Variants in DPYSL3 observed in about 807,000 individuals in gnomAD.
DPYSL3 encodes the protein dihydropyrimidinase-related protein 3.
A neutral mutation model predicts 66.1 loss-of-function variants in DPYSL3; 16 were observed. The ratio of observed to expected loss-of-function variants is 0.24; its 90% CI spans 0.16 to 0.37. The LOEUF (loss-of-function observed/expected upper bound fraction) is 0.37, where lower values mean the gene tolerates loss of function less well. Among genes scored for constraint, DPYSL3 ranks in the 10% least tolerant of loss-of-function variants. The pLI, the probability that DPYSL3 is intolerant of heterozygous loss-of-function variation, is 1.00. For missense variants in DPYSL3, 738 were observed against 916.2 expected, an observed-to-expected ratio of 0.81 and a Z score of 2.51; for synonymous variants, 338 against 345.1, an observed-to-expected ratio of 0.98 and a Z score of 0.23.
chr5:147,443,475 T>C (rs1427574959), intron 1 of DPYSL3, among the ~76,000 whole-genome samples: 3 of 151,708 alleles, frequency 2.0e-5, no homozygotes, highest in African/African-American at 7.3e-5. Context: ...CACCAGGGCC[T>C]GTTGGGGGTT....
intron 1 of DPYSL3, among the ~76,000 whole-genome samples, chr5:147,454,542 T>G (rs910057069): frequency 6.6e-6 from 1 of 152,094 alleles, no homozygotes; most frequent in African/African-American, 2.4e-5. Context: ...CCTGACTGAG[T>G]CTCAGAATCA....
intron 1 of DPYSL3, among the ~76,000 whole-genome samples, chr5:147,501,744 G>T (rs1359368368): frequency 4.6e-5 from 7 of 152,072 alleles, no homozygotes; most frequent in East Asian, 1.9e-4. Context: ...CTCCCAAAGT[G>T]CTGGGATTAC....
intron 1 of DPYSL3, among the ~76,000 whole-genome samples, chr5:147,425,493 C>T (rs954529440): frequency 2.0e-5 from 3 of 152,140 alleles, no homozygotes; most frequent in African/African-American, 7.2e-5. Context: ...CACAAGTACA[C>T]ACAATGTTGT....
At chr5:147,403,743 A>C (rs572534394) in intron 8 of DPYSL3, among the ~76,000 whole-genome samples, 104 of 152,248 alleles carry the variant, frequency 6.8e-4, no homozygotes, top group African/African-American at 2.4e-3. Context: ...TTGTCTTGCA[A>C]AGAATGCTCT....
chr5:147,465,812 T>G (rs999851527), intron 1 of DPYSL3, among the ~76,000 whole-genome samples: 7 of 152,238 alleles, frequency 4.6e-5, no homozygotes, highest in Admixed American at 1.3e-4. Flanking sequence ...ATATAAGGTC[T>G]GCTGAAGCCT....
chr5:147,493,013 A>G (rs947148917), intron 1 of DPYSL3, among the ~76,000 whole-genome samples: 1 of 152,240 alleles, frequency 6.6e-6, no homozygotes, highest in Admixed American at 6.5e-5. Flanking sequence ...TACCATGCTA[A>G]CACTAATCAA....
At chr5:147,410,737 T>C (rs990921759) in intron 6 of DPYSL3, among the ~76,000 whole-genome samples, 1 of 152,214 alleles carries the variant, frequency 6.6e-6, no homozygotes, top group African/African-American at 2.4e-5. Context: ...GATTCCTCTC[T>C]CATATACTCA....
intron 1 of DPYSL3, among the ~76,000 whole-genome samples, chr5:147,477,819 T>C (rs1271643296): frequency 6.6e-6 from 1 of 151,386 alleles, no homozygotes; most frequent in East Asian, 2.0e-4. Flanking sequence ...CCTGACCTCA[T>C]GATCCACCCG....
At chr5:147,443,626 AG>A (rs1752575952) in intron 1 of DPYSL3, among the ~76,000 whole-genome samples, 1 of 151,944 alleles carries the variant, frequency 6.6e-6, no homozygotes, top group Non-Finnish European at 1.5e-5. Flanking sequence ...TAAAGAAAAA[AG>A]TTATCTCCAT....
intron 6 of DPYSL3, among the ~76,000 whole-genome samples, chr5:147,409,021 G>GTTAGACTATTTTTTGTCTA (rs1751787633): frequency 6.6e-6 from 1 of 152,196 alleles, no homozygotes; most frequent in African/African-American, 2.4e-5. Context: ...ATAGTTGTCT[G>GTTAGACTATTTTTTGTCTA]TTAGACTATT....
chr5:147,443,097 TG>T (rs1752564286), intron 1 of DPYSL3, among the ~76,000 whole-genome samples: 1 of 152,226 alleles, frequency 6.6e-6, no homozygotes, highest in Non-Finnish European at 1.5e-5. Flanking sequence ...ATTCATAAGA[TG>T]GGGCATTAGA....
intron 8 of DPYSL3, among the ~76,000 whole-genome samples, chr5:147,403,206 CT>C (rs1331821382): frequency 2.6e-5 from 4 of 152,002 alleles, no homozygotes; most frequent in African/African-American, 9.7e-5. Context: ...GACAGCCCTG[CT>C]TTTGGGGGTG....
chr5:147,395,523 C>A lies in DPYSL3; in HGVS notation c.1966+36G>T. 6 of 1,581,628 alleles carry A rather than the reference C, an allele frequency of 3.8e-6. No homozygotes were observed. In the South Asian group the frequency reaches 6.9e-5, roughly 18 times the overall value. On this transcript the variant is annotated intron_variant, in intron 13 of 13. Transcript: ENST00000343218. ...TCAGAACATTGATCTTCCCCTTCCCCCTTCTCTTATCTTTTGATGAGCCTG... is the reference window on the plus strand; with the variant it reads ...TCAGAACATTGATCTTCCCCTTCCCACTTCTCTTATCTTTTGATGAGCCTG...
Position 147,395,618 on chromosome 5 carries a change from G to C in DPYSL3, c.1907C>G (p.Ser636Cys), listed in dbSNP as rs1426207967. 1.2e-6 allele frequency: 2 copies of C among 1,613,974 alleles called. No homozygotes were observed. Among genetic ancestry groups the C allele is most frequent in the East Asian group, 4.5e-5 (2 of 44,864 alleles). Residue 636 changes from serine to cysteine, a missense_variant, in exon 13 of 14, where the codon TCT becomes TGT. By Grantham distance (112) the Ser-to-Cys change is moderately radical. Coordinates refer to ENST00000343218, the MANE Select transcript of DPYSL3 (RefSeq NM_001197294.2). ...GGTPAGSARG[S>C]PTRPNPPVRN... is the part of the protein sequence containing the mutation. ...CACAGGTGGGTTCGGCCGAGTAGGA[G>C]AGCCCCGAGCAGAGCCTGCGGGGGT...
chr5:147,392,069 T>C lies in DPYSL3; in HGVS notation c.*1966A>G, dbSNP rs1172248251. ...GCTGGCTGTGGCTGGTACTGCAACCTATCCCAAAGTAACAGCCTAGTCAAT... is the reference window on the plus strand; with the variant it reads ...GCTGGCTGTGGCTGGTACTGCAACCCATCCCAAAGTAACAGCCTAGTCAAT... On this transcript the variant is annotated 3_prime_UTR_variant, in exon 14 of 14. Transcript: ENST00000343218. 2.0e-5 allele frequency: 3 copies of C among 152,234 alleles called. No homozygotes were observed. The highest frequency in any genetic ancestry group is 7.2e-5 in the African/African-American group (3 of 41,460). The allele number at this position is 152,234 out of a possible 1,614,324, so 9.4% of individuals were successfully genotyped here. A position where few individuals can be genotyped will look rare whatever the true frequency, so the allele number is the denominator to read the frequency against.
chr5:147,454,122 C>G (rs1455480217), intron 1 of DPYSL3: 2 of 151,878 alleles, frequency 1.3e-5, no homozygotes, highest in Non-Finnish European at 2.9e-5. Context: ...GCCGCGGGGC[C>G]GAGTTGCGGG....
At position 147,432,651 on chromosome 5, in the gene DPYSL3, T is replaced by C. The variant is rs79542280; in HGVS notation, c.382-7688A>G. Among the ~76,000 whole-genome samples the C allele has an allele frequency of 7.6e-4, 115 of 152,270 alleles. 2 individuals are homozygous for C. In the East Asian group the frequency reaches 0.014, roughly 18 times the overall value. Reference sequence around the variant, plus strand: ...CTGGACAAGAGGAGCCCTAGAGAGATTCCATTCTCAACGAGAAAGGTCAGC... The same window carrying C: ...CTGGACAAGAGGAGCCCTAGAGAGACTCCATTCTCAACGAGAAAGGTCAGC... On this transcript the variant is annotated intron_variant, in intron 1 of 13. Coordinates refer to ENST00000343218, the MANE Select transcript of DPYSL3 (RefSeq NM_001197294.2).
In DPYSL3 at chr5:147,396,811, G is replaced by A. The variant is rs202009248; in HGVS notation, c.1803+855C>T. 2.0e-4 allele frequency among the ~76,000 whole-genome samples: 30 copies of A among 151,180 alleles called. No individual in the cohort carries two copies. The East Asian group carries it at 5.0e-3, about 25-fold the overall frequency. On this transcript the variant is annotated intron_variant, in intron 12 of 13. Transcript: ENST00000343218. ...TCAAATTCCACAATCCTAGGGTAGG[G>A]CTAATACACATATATATACAAACAC...
At chr5:147,436,133 C>A (rs1752411291) in intron 1 of DPYSL3, among the ~76,000 whole-genome samples, 1 of 152,082 alleles carries the variant, frequency 6.6e-6, no homozygotes, top group African/African-American at 2.4e-5. Context: ...AACCAGAAGC[C>A]CAAGGGCAAA....
Sources: allele counts gnomAD v4.1 joint callset (sites outside exome capture counted in the v4.1 genomes callset), GRCh38; gene constraint gnomAD v4.1.1; transcripts MANE v1.5; gene names NCBI Gene and HGNC (gene_info 2026-07-23, HGNC 2026-07-21).